Variants in GNAI3 observed in about 807,000 individuals in gnomAD.
GNAI3 encodes the protein G protein subunit alpha i3.
Under a neutral mutation model 41.8 loss-of-function variants are expected in GNAI3, and 12 were observed. That is an observed-to-expected ratio of 0.29 (90% CI 0.18 to 0.47). The LOEUF (loss-of-function observed/expected upper bound fraction) is 0.47. Among genes scored for constraint, GNAI3 ranks in the 20% least tolerant of loss-of-function variants. The pLI, the probability that GNAI3 is intolerant of heterozygous loss-of-function variation, is 1.00. For synonymous variants in GNAI3, 132 were observed against 146.5 expected, an observed-to-expected ratio of 0.90 and a Z score of 0.71; for missense variants, 360 against 429.6, an observed-to-expected ratio of 0.84 and a Z score of 1.43.
At chr1:109,588,361 G>A (rs1022466387) in intron 7 of GNAI3, among the ~76,000 whole-genome samples, 13 of 145,328 alleles carry the variant, frequency 8.9e-5, no homozygotes, top group Admixed American at 5.4e-4. Context: ...CAGCCTGGGC[G>A]ACTGAGCAAA....
chr1:109,569,228 C>T (rs559558081), intron 1 of GNAI3, among the ~76,000 whole-genome samples: 1 of 152,284 alleles, frequency 6.6e-6, no homozygotes, highest in African/African-American at 2.4e-5. Flanking sequence ...CTTTTTCTCC[C>T]CTGTGTATCC....
At chr1:109,567,998 A>G (rs978439800) in intron 1 of GNAI3, among the ~76,000 whole-genome samples, 10 of 149,506 alleles carry the variant, frequency 6.7e-5, no homozygotes, top group African/African-American at 2.5e-4. Flanking sequence ...AGAATTAGCC[A>G]TCTGTCAGGG....
chr1:109,577,021 T>G (rs1306793923), intron 3 of GNAI3, among the ~76,000 whole-genome samples: 2 of 151,348 alleles, frequency 1.3e-5, no homozygotes, highest in African/African-American at 2.4e-5. Flanking sequence ...TTCTGTTTTT[T>G]TTTTTTTTTA....
At chr1:109,562,520 CA>C (rs1427751394) in intron 1 of GNAI3, among the ~76,000 whole-genome samples, 2 of 152,080 alleles carry the variant, frequency 1.3e-5, no homozygotes, top group Non-Finnish European at 2.9e-5. Context: ...GCCATTCCAC[CA>C]CTAATTCATG....
In GNAI3 at chr1:109,592,198, A is replaced by G. The variant is rs755742994; in HGVS notation, c.1030A>G (p.Ile344Val). Reference sequence around the variant, plus strand: ...TTTTGATGCTGTTACAGATGTCATCATTAAAAACAACTTAAAGGAATGTGG... The same window carrying G: ...TTTTGATGCTGTTACAGATGTCATCGTTAAAAACAACTTAAAGGAATGTGG... ...FVFDAVTDVI[I>V]KNNLKECGLY The change falls in exon 8 of 9, where the codon ATT becomes GTT. Residue 344 changes from isoleucine to valine, a missense_variant. Transcript: ENST00000369851. 4 of 1,613,304 alleles carry G rather than the reference A, an allele frequency of 2.5e-6. No individual in the cohort carries two copies. The African/African-American group carries it at 4.0e-5, about 16-fold the overall frequency.
rs1424477671 is a variant in GNAI3, at chr1:109,597,605, A to G, written c.*5283A>G. ...TGACTTAAAGTGCCTTCCACCAAGAAAATTATTGAAAACTGTTGGGTCACA... is the reference window on the plus strand; with the variant it reads ...TGACTTAAAGTGCCTTCCACCAAGAGAATTATTGAAAACTGTTGGGTCACA... On this transcript the variant is annotated 3_prime_UTR_variant, in exon 9 of 9. Coordinates refer to ENST00000369851, the MANE Select transcript of GNAI3 (RefSeq NM_006496.4). The G allele has an allele frequency of 6.6e-6, 1 of 152,158 alleles. No individual in the cohort carries two copies. Among genetic ancestry groups the G allele is most frequent in the Non-Finnish European group, 1.5e-5 (1 of 68,040 alleles). The allele number at this position is 152,158 out of a possible 1,614,324, so 9.4% of individuals were successfully genotyped here.
intron 1 of GNAI3, among the ~76,000 whole-genome samples, chr1:109,555,963 C>CGTGTGTGTGTGTGTGT (rs71069692): frequency 3.5e-5 from 5 of 144,522 alleles, no homozygotes; most frequent in Admixed American, 6.8e-5. Flanking sequence ...TGCGTGCGTG[C>CGTGTGTGTGTGTGTGT]GTGTGTGTGT....
At chr1:109,566,340 C>T (rs1475471319) in intron 1 of GNAI3, among the ~76,000 whole-genome samples, 2 of 152,136 alleles carry the variant, frequency 1.3e-5, no homozygotes, top group African/African-American at 4.8e-5. Flanking sequence ...TGTAACTTCT[C>T]CCACCAGACC....
chr1:109,594,392 A>G lies in GNAI3; in HGVS notation c.*2070A>G, dbSNP rs1649245447. On this transcript the variant is annotated 3_prime_UTR_variant, in exon 9 of 9. Coordinates refer to ENST00000369851, the MANE Select transcript of GNAI3 (RefSeq NM_006496.4). ...ATTTTCATTTGAATATCTATCTGAT[A>G]TGTTAAATTTTTAGCCCTTCTGTTA... 2 of 152,226 alleles carry G rather than the reference A, an allele frequency of 1.3e-5. No homozygotes were observed. Among genetic ancestry groups the G allele is most frequent in the South Asian group, 4.1e-4 (2 of 4,832 alleles). 9.4% of individuals were successfully genotyped at this position (152,226 alleles called of 1,614,324 possible).
intron 1 of GNAI3, among the ~76,000 whole-genome samples, chr1:109,550,575 C>T (rs1319733061): frequency 6.6e-6 from 1 of 152,016 alleles, no homozygotes; most frequent in Non-Finnish European, 1.5e-5. Context: ...CCTCTGTTGC[C>T]TAGGCTGGAG....
intron 1 of GNAI3, among the ~76,000 whole-genome samples, chr1:109,551,947 A>C (rs965164753): frequency 7.9e-5 from 12 of 152,148 alleles, no homozygotes; most frequent in Non-Finnish European, 1.5e-4. Context: ...GGATCACCTG[A>C]GGTCAGGAGT....
chr1:109,567,715 C>T (rs1465973023), intron 1 of GNAI3, among the ~76,000 whole-genome samples: 3 of 152,142 alleles, frequency 2.0e-5, no homozygotes, highest in Non-Finnish European at 2.9e-5. Flanking sequence ...TAAAACTTTG[C>T]GAGGCCTTAA....
chr1:109,564,879 G>A (rs533719650), intron 1 of GNAI3, among the ~76,000 whole-genome samples: 91 of 152,238 alleles, frequency 6.0e-4, no homozygotes, highest in Non-Finnish European at 3.7e-4. Context: ...TTGGTAATCG[G>A]TATGTGATTG....
intron 4 of GNAI3, among the ~76,000 whole-genome samples, chr1:109,580,050 G>C (rs922996634): frequency 6.6e-6 from 1 of 152,192 alleles, no homozygotes; most frequent in Non-Finnish European, 1.5e-5. Context: ...CGCCCAGACT[G>C]GAGTGCAGTG....
chr1:109,575,941 A>C (rs969537694), intron 3 of GNAI3, among the ~76,000 whole-genome samples: 1 of 152,202 alleles, frequency 6.6e-6, no homozygotes, highest in African/African-American at 2.4e-5. Flanking sequence ...TAAATCATCC[A>C]GCTTTCTGGT....
chr1:109,588,368 C>CAA (rs67924853), intron 7 of GNAI3, among the ~76,000 whole-genome samples: 17 of 116,896 alleles, frequency 1.5e-4, no homozygotes, highest in African/African-American at 3.0e-4. Context: ...GGCGACTGAG[C>CAA]AAAAAAAAAA....
Position 109,579,215 on chromosome 1 carries a change from G to A in GNAI3, c.315G>A (p.Arg105=). Residue 105 remains arginine, a synonymous_variant, in exon 4 of 9, where the codon CGG becomes CGA. Transcript: ENST00000369851. ...FGEAARADDA[R]QLFVLAGSAE... ...ACTGCTTTCTTCAGGATGATGCCCGGCAATTATTTGTTTTAGCTGGCAGTG... is the reference window on the plus strand; with the variant it reads ...ACTGCTTTCTTCAGGATGATGCCCGACAATTATTTGTTTTAGCTGGCAGTG... The A allele has an allele frequency of 6.2e-7, 1 of 1,611,428 alleles. No individual in the cohort carries two copies. The highest frequency in any genetic ancestry group is 8.5e-7 in the Non-Finnish European group (1 of 1,178,642).
intron 1 of GNAI3, among the ~76,000 whole-genome samples, chr1:109,558,056 T>G (rs1288945712): frequency 2.0e-5 from 3 of 152,198 alleles, no homozygotes; most frequent in African/African-American, 7.2e-5. Context: ...ACTTTCTCAT[T>G]AGTTCATGAG....
chr1:109,573,684 T>G, intron 1 of GNAI3, 53 bp from the exon 2 acceptor site: 1 of 1,400,822 alleles, frequency 7.1e-7, no homozygotes, highest in Non-Finnish European at 1.0e-6. Context: ...GTTGATATTA[T>G]ACTTTTATGT....
Sources: allele counts gnomAD v4.1 joint callset (sites outside exome capture counted in the v4.1 genomes callset), GRCh38; gene constraint gnomAD v4.1.1; transcripts MANE v1.5; gene names NCBI Gene and HGNC (gene_info 2026-07-23, HGNC 2026-07-21).